Variants in RFT1 observed in about 807,000 individuals in gnomAD.
The protein encoded by RFT1 is RFT1 glycolipid translocator homolog, also known as man(5)GlcNAc(2)-PP-dolichol translocation protein RFT1.
A neutral mutation model predicts 62.2 loss-of-function variants in RFT1; 43 were observed. That is an observed-to-expected ratio of 0.69 (90% confidence interval 0.54 to 0.89). RFT1 has a LOEUF of 0.89. RFT1 is among the 40% of genes least tolerant of loss of function. RFT1 has a pLI of 0.00. For synonymous variants in RFT1, 262 were observed against 264.6 expected (o/e 0.99, Z 0.10); for missense variants, 605 against 649.9 (o/e 0.93, Z 0.75).
Position 53,092,080 on chromosome 3 carries a change from G to T in RFT1, c.1459-10C>A, listed in dbSNP as rs555709106. On this transcript the variant is annotated splice_polypyrimidine_tract_variant and intron_variant, in intron 12 of 12. Transcript: ENST00000296292. ...CACAGCAGAGGAATACCTGGGGAAA[G>T]AAACCATTGTCAGTGCCTGTTCCTC... The T allele has an allele frequency of 1.9e-6, 3 of 1,614,180 alleles. No individual in the cohort carries two copies. The highest frequency in any genetic ancestry group is 2.2e-5 in the East Asian group (1 of 44,890).
At chr3:53,109,252 T>C (rs911224599) in intron 7 of RFT1, among the ~76,000 whole-genome samples, 5 of 152,168 alleles carry the variant, frequency 3.3e-5, no homozygotes, top group Admixed American at 1.3e-4. Context: ...CTACATTCTA[T>C]AGACTCCCTG....
chr3:53,092,503 G>C lies in RFT1; in HGVS notation c.1324C>G (p.Arg442Gly). The change falls in exon 12 of 13, where the codon CGG becomes GGG. Residue 442 changes from arginine (R) to glycine (G), a missense_variant. Physicochemically the swap from Arg to Gly is moderately radical, Grantham distance 125. Coordinates refer to ENST00000296292, the MANE Select transcript of RFT1 (RefSeq NM_052859.4). Reference protein sequence around the residue: ...ILANCFNMGIRITQSLCFIHR... With the variant: ...ILANCFNMGIGITQSLCFIHR... ...ATGAAGCAAAGGCTCTGCGTGATCC[G>C]AATGCCCATGTTAAAGCAGTTGGCC... The C allele has an allele frequency of 1.2e-6, 2 of 1,612,264 alleles. No individual in the cohort carries two copies. Among genetic ancestry groups the C allele is most frequent in the Non-Finnish European group, 1.7e-6 (2 of 1,179,522 alleles).
chr3:53,104,239 G>A, intron 9 of RFT1, 142 bp from the exon 10 acceptor site: 3 of 820,432 alleles, frequency 3.7e-6, no homozygotes, highest in East Asian at 2.7e-5. Flanking sequence ...TTTTTGTAGT[G>A]TGTTTGTTTT....
rs754212502 is a variant in RFT1 at position 53,092,410 on chromosome 3, C to T, written c.1417G>A (p.Gly473Arg). Residue 473 changes from glycine to arginine, a missense_variant, in exon 12 of 13, where the codon GGG (glycine) becomes AGG (arginine). Physicochemically the swap from Gly to Arg is moderately radical, Grantham distance 125. Transcript: ENST00000296292. ...AGLHLSPVLL[G>R]TFALSGGVTA... ...ACCCCACCACTGAGGGCAAATGTCC[C>T]GAGCAGGACTGGCGATAGGTGCAGG... 19 of 1,607,000 alleles carry T rather than the reference C, an allele frequency of 1.2e-5. 1 individual carries two copies. The highest frequency in any genetic ancestry group is 5.6e-5 in the South Asian group (5 of 89,480).
chr3:53,126,408 C>G (rs192406413), intron 1 of RFT1, among the ~76,000 whole-genome samples: 111 of 152,292 alleles, frequency 7.3e-4, no homozygotes, highest in Admixed American at 1.6e-3. Flanking sequence ...CAAGTGGGAG[C>G]CTTAAGGGTA....
At position 53,111,861 on chromosome 3, in the gene RFT1, T is replaced by C; in HGVS notation, c.744A>G (p.Lys248=). 4 of 1,614,026 alleles carry C rather than the reference T, an allele frequency of 2.5e-6. No homozygotes were observed. Among genetic ancestry groups the C allele is most frequent in the Non-Finnish European group, 3.4e-6 (4 of 1,179,952 alleles). The part of the protein sequence containing the change: ...KEAKLTWSFF[K]QSFLKQILTE... ...TCAAAATCTGTTTCAAGAAAGACTGTTTGAAAAAACTCCAAGTCAGTTTAG... is the reference window on the plus strand; with the variant it reads ...TCAAAATCTGTTTCAAGAAAGACTGCTTGAAAAAACTCCAAGTCAGTTTAG... Residue 248 remains lysine (K), a synonymous_variant, in exon 7 of 13, where the codon AAA becomes AAG. Transcript: ENST00000296292.
intron 6 of RFT1, 68 bp from the exon 7 acceptor site, chr3:53,111,976 T>C (rs1267604564): frequency 8.0e-7 from 1 of 1,257,204 alleles, no homozygotes; most frequent in Non-Finnish European, 1.2e-6. Flanking sequence ...CAATGCTACA[T>C]GAGAGGCAAA....
chr3:53,097,916 G>A (rs1293790730), intron 11 of RFT1, among the ~76,000 whole-genome samples: 1 of 152,212 alleles, frequency 6.6e-6, no homozygotes, highest in Admixed American at 6.5e-5. Context: ...AACTATCTGA[G>A]GTGAAAACCA....
downstream of RFT1, among the ~76,000 whole-genome samples, chr3:53,087,416 C>T (rs1700878667): frequency 6.6e-6 from 1 of 152,166 alleles, no homozygotes. Flanking sequence ...TCACAGCTCC[C>T]ACCGTCCGGG....
intron 5 of RFT1, 140 bp downstream of exon 5, chr3:53,121,559 C>T (rs781746918): frequency 1.4e-6 from 1 of 729,838 alleles, no homozygotes; most frequent in Non-Finnish European, 2.5e-6. Context: ...AGAAGCAGTG[C>T]TAAGGCCACC....
chr3:53,101,609 G>C (rs937900375), intron 10 of RFT1, among the ~76,000 whole-genome samples: 1 of 152,218 alleles, frequency 6.6e-6, no homozygotes, highest in Non-Finnish European at 1.5e-5. Context: ...CCCCAAAATA[G>C]ATATGTTAAT....
chr3:53,082,367 C>CA, the RFT1 span, among the ~76,000 whole-genome samples: 1 of 152,122 alleles, frequency 6.6e-6, no homozygotes, highest in Non-Finnish European at 1.5e-5. Flanking sequence ...CCCAGCTACT[C>CA]AGGAGGCTGA....
downstream of RFT1, among the ~76,000 whole-genome samples, chr3:53,087,667 G>A (rs1026278948): frequency 3.3e-5 from 5 of 152,080 alleles, no homozygotes; most frequent in East Asian, 1.9e-4. Flanking sequence ...CTACAGGTGC[G>A]TGCCACCACG....
rs115086260 is a variant in RFT1, at chr3:53,100,605, G to C, written c.1103-1119C>G. 7.0e-3 allele frequency among the ~76,000 whole-genome samples: 1,063 copies of C among 152,298 alleles called. 14 individuals carry two copies. Among genetic ancestry groups the C allele is most frequent in the Non-Finnish European group, 9.3e-3 (633 of 68,026 alleles). ...GCAAGAAAAGATAATAAAAATCACT[G>C]ATCCATGCGAAACCATGGAAGAATC... On this transcript the variant is annotated intron_variant, in intron 10 of 12. Transcript: ENST00000296292.
chr3:53,118,640 T>G (rs1030575268), intron 6 of RFT1, among the ~76,000 whole-genome samples: 1 of 152,010 alleles, frequency 6.6e-6, no homozygotes, highest in Non-Finnish European at 1.5e-5. Flanking sequence ...GTGCATTACA[T>G]CCGGCAAGCA....
At position 53,130,377 on chromosome 3, in the gene RFT1, G is replaced by A; in HGVS notation, c.24C>T (p.Gly8=). The part of the protein sequence containing the change: MGSQEVL[G]HAARLASSGL... ...CGGAGGAGGCCAGCCGGGCCGCGTG[G>A]CCCAGCACCTCCTGGCTGCCCATAG... Residue 8 remains glycine, a synonymous_variant, in exon 1 of 13, where the codon GGC becomes GGT. Transcript: ENST00000296292. 6.4e-7 allele frequency: 1 copy of A among 1,562,212 alleles called. No homozygotes were observed. The highest frequency in any genetic ancestry group is 8.7e-7 in the Non-Finnish European group (1 of 1,153,486).
At chr3:53,069,482 G>A in the RFT1 span, among the ~76,000 whole-genome samples, 6 of 151,970 alleles carry the variant, frequency 3.9e-5, no homozygotes, top group African/African-American at 7.3e-5. Flanking sequence ...AATGGGGAAA[G>A]GATATAAGCA....
the RFT1 span, among the ~76,000 whole-genome samples, chr3:53,081,354 G>A: frequency 6.6e-6 from 1 of 152,218 alleles, no homozygotes; most frequent in Admixed American, 6.5e-5. Context: ...AGGGTGGAGA[G>A]GAGCAGAGCC....
chr3:53,084,266 G>A (rs1438573329), downstream of RFT1, among the ~76,000 whole-genome samples: 1 of 152,242 alleles, frequency 6.6e-6, no homozygotes, highest in Non-Finnish European at 1.5e-5. Flanking sequence ...AAAGCCTTCT[G>A]AAAGAGGTCC....
Sources: allele counts gnomAD v4.1 joint callset (sites outside exome capture counted in the v4.1 genomes callset), GRCh38; gene constraint gnomAD v4.1.1; transcripts MANE v1.5; gene names NCBI Gene and HGNC (gene_info 2026-07-23, HGNC 2026-07-21).